TTBK1: variants seen among roughly 807,000 people sequenced by gnomAD.
TTBK1 encodes the protein tau-tubulin kinase 1.
TTBK1 carries 34 observed loss-of-function variants against 108.5 expected under a neutral mutation model. The observed-to-expected ratio is 0.31, with a 90% CI of 0.24 to 0.42. TTBK1 has a LOEUF of 0.42. Among genes scored for constraint, TTBK1 ranks in the 10% least tolerant of loss-of-function variants. The probability of loss-of-function intolerance (pLI) is 1.00; values close to 1 mark genes in which losing one functional copy is unlikely to be tolerated. For synonymous variants in TTBK1, 809 were observed against 795.1 expected, an observed-to-expected ratio of 1.02 and a Z score of -0.29; for missense variants, 1,539 against 1,826.0, an observed-to-expected ratio of 0.84 and a Z score of 2.86.
chr6:43,284,642 C>G (rs1305634138), intron 14 of TTBK1, among the ~76,000 whole-genome samples: 1 of 152,230 alleles, frequency 6.6e-6, no homozygotes, highest in Non-Finnish European at 1.5e-5. Flanking sequence ...AAGCCCAGTG[C>G]TTTGACTCCT....
chr6:43,263,179 G>C lies in TTBK1; in HGVS notation c.1815G>C (p.Glu605Asp), dbSNP rs868347385. 1 of 1,579,584 alleles carries C rather than the reference G, an allele frequency of 6.3e-7. No individual in the cohort carries two copies. The highest frequency in any genetic ancestry group is 8.6e-7 in the Non-Finnish European group (1 of 1,162,474). The change falls in exon 13 of 15, where the codon GAG (glutamate) becomes GAC (aspartate). Residue 605 changes from glutamate (E) to aspartate (D), a missense_variant. Around this residue, in one of 5 missense-constraint regions of TTBK1, gnomAD observed 1,055 missense variants for 1,086.5 expected, o/e 0.97. Coordinates refer to ENST00000259750, the MANE Select transcript of TTBK1 (RefSeq NM_032538.3). This position sits in a 1 kb window ranked among gnomAD's most constrained non-coding sequence, Gnocchi z 4.7. ...GACGCAGCATGCAGGCGCTGGCGGA[G>C]GAGGACCTGCAGCATTTGCCGCCCC... The part of the protein sequence containing the change: ...PRGRSMQALA[E>D]EDLQHLPPQP...
Position 43,259,396 on chromosome 6 carries a change from G to C in TTBK1, c.1248+127G>C. Reference sequence around the variant, plus strand: ...CCATCTGCCTGCTTGCCCTGCCTCTGTTTCCCGGTCCCTCCCCGCACTAGC... The same window carrying C: ...CCATCTGCCTGCTTGCCCTGCCTCTCTTTCCCGGTCCCTCCCCGCACTAGC... On this transcript the variant is annotated intron_variant, in intron 11 of 14. Transcript: ENST00000259750. The surrounding 1 kb of genome is among the most constrained non-coding windows in gnomAD (Gnocchi z 6.7). 7.8e-7 allele frequency: 1 copy of C among 1,289,432 alleles called. No homozygotes were observed. Among genetic ancestry groups the C allele is most frequent in the Non-Finnish European group, 1.1e-6 (1 of 946,576 alleles). The allele number at this position is 1,289,432 out of a possible 1,614,324, so 79.9% of individuals were successfully genotyped here.
rs920214863 is a variant in TTBK1 at position 43,270,107 on chromosome 6, C to T, written c.1986+6757C>T. 5.0e-6 allele frequency: 7 copies of T among 1,386,764 alleles called. No individual in the cohort carries two copies. The African/African-American group carries it at 6.0e-5, about 12-fold the overall frequency. 85.9% of individuals were successfully genotyped at this position (1,386,764 alleles called of 1,614,324 possible). On this transcript the variant is annotated intron_variant, in intron 13 of 14. Coordinates refer to ENST00000259750, the MANE Select transcript of TTBK1 (RefSeq NM_032538.3). ...CCCCCTAGAACGTTGGCCCAAGGTA[C>T]TGTAATACTCCCACCCCAAGCAGAG...
rs1429501469 is a variant in TTBK1, at chr6:43,283,905, T to C, written c.3165T>C (p.Arg1055=). The C allele has an allele frequency of 3.1e-6, 5 of 1,612,400 alleles. No individual in the cohort carries two copies. The highest frequency in any genetic ancestry group is 4.2e-6 in the Non-Finnish European group (5 of 1,179,004). ...HAMPGSRPRS[R]IPVLLSEEDT... Reference sequence around the variant, plus strand: ...TGCCAGGCTCTCGCCCCAGGAGCCGTATCCCTGTCCTGCTCTCTGAGGAGG... The same window carrying C: ...TGCCAGGCTCTCGCCCCAGGAGCCGCATCCCTGTCCTGCTCTCTGAGGAGG... Residue 1055 remains arginine, a synonymous_variant, in exon 14 of 15, where the codon CGT becomes CGC. Transcript: ENST00000259750. The surrounding 1 kb of genome is among the most constrained non-coding windows in gnomAD (Gnocchi z 8.1).
At chr6:43,261,285 G>A (rs1777534180) in intron 12 of TTBK1, among the ~76,000 whole-genome samples, 1 of 152,144 alleles carries the variant, frequency 6.6e-6, no homozygotes, top group Non-Finnish European at 1.5e-5. Context: ...GGGGGAGAAT[G>A]AAAGTCAGCC....
chr6:43,256,595 C>T (rs1443257102), intron 9 of TTBK1, among the ~76,000 whole-genome samples: 10 of 151,976 alleles, frequency 6.6e-5, no homozygotes, highest in Admixed American at 1.3e-4. Flanking sequence ...AAAAATTAGC[C>T]GGGTGTGGTG....
Position 43,263,456 on chromosome 6 carries a change from C to A in TTBK1, c.1986+106C>A. Reference sequence around the variant, plus strand: ...CTGGCACTACTGACCAGTAAGCCAGCAGTCACAGGGCTGTGATGGAGGTAG... The same window carrying A: ...CTGGCACTACTGACCAGTAAGCCAGAAGTCACAGGGCTGTGATGGAGGTAG... On this transcript the variant is annotated intron_variant, in intron 13 of 14. Transcript: ENST00000259750. The surrounding 1 kb of genome is among the most constrained non-coding windows in gnomAD (Gnocchi z 4.7). 2 of 1,109,882 alleles carry A rather than the reference C, an allele frequency of 1.8e-6. No individual in the cohort carries two copies. Among genetic ancestry groups the A allele is most frequent in the Non-Finnish European group, 2.4e-6 (2 of 820,898 alleles). The allele number at this position is 1,109,882 out of a possible 1,614,324, so 68.8% of individuals were successfully genotyped here. A position where few individuals can be genotyped will look rare whatever the true frequency, so the allele number is the denominator to read the frequency against.
chr6:43,258,899 G>A (rs528961555), intron 10 of TTBK1, 139 bp from the exon 11 acceptor site: 11 of 617,052 alleles, frequency 1.8e-5, no homozygotes, highest in Non-Finnish European at 3.1e-5. Context: ...ATGGGCCTAG[G>A]GACACTCTCA....
chr6:43,275,599 C>T (rs1246270391), intron 13 of TTBK1, among the ~76,000 whole-genome samples: 2 of 152,056 alleles, frequency 1.3e-5, no homozygotes, highest in Non-Finnish European at 2.9e-5. Context: ...TGCCCCCCAC[C>T]CCGCCCCAAT....
chr6:43,255,246 G>A, intron 7 of TTBK1, 132 bp downstream of exon 7: 1 of 849,708 alleles, frequency 1.2e-6, no homozygotes, highest in Non-Finnish European at 1.9e-6. Flanking sequence ...GAGACCCTGG[G>A]CTGGAGGAAG....
At chr6:43,258,961 G>A (rs1242629014) in intron 10 of TTBK1, 77 bp from the exon 11 acceptor site, 3 of 1,141,210 alleles carry the variant, frequency 2.6e-6, no homozygotes, top group Non-Finnish European at 2.5e-6. Flanking sequence ...CTCCAGGTCT[G>A]TGCTGGTAGG....
At position 43,284,377 on chromosome 6, in the gene TTBK1, T is replaced by G. The variant is rs978149105; in HGVS notation, c.3572+65T>G. The stretch of plus-strand genomic sequence containing the variant: ...GCCACAGGCCTCCACCAGGAGGGGC[T>G]TCTCCAGAACCAAGGTCAGGGGCTA... On this transcript the variant is annotated intron_variant, in intron 14 of 14. Coordinates refer to ENST00000259750, the MANE Select transcript of TTBK1 (RefSeq NM_032538.3). 2.0e-6 allele frequency: 3 copies of G among 1,486,404 alleles called. No individual in the cohort carries two copies. The South Asian group carries it at 4.1e-5, about 20-fold the overall frequency. The allele number at this position is 1,486,404 out of a possible 1,614,324, so 92.1% of individuals were successfully genotyped here.
At chr6:43,248,232 T>C (rs1219902845) in intron 2 of TTBK1, 13 of 152,178 alleles carry the variant, frequency 8.5e-5, no homozygotes, top group Non-Finnish European at 2.9e-5. Context: ...AGGGCAAGCA[T>C]GGCAACCTCT....
At chr6:43,266,567 T>G (rs1582499385) in intron 13 of TTBK1, among the ~76,000 whole-genome samples, 1 of 152,102 alleles carries the variant, frequency 6.6e-6, no homozygotes, top group East Asian at 1.9e-4. Flanking sequence ...CCCAGGCAAC[T>G]CGTTCCGAGA....
rs1032700922 is a variant in TTBK1 at position 43,282,060 on chromosome 6, G to A, written c.1987-667G>A. Reference sequence around the variant, plus strand: ...GCTCAAGTATACCTGTCGAGGGCTGGACAAATTCCTGGCTGAGAGGATGGA... The same window carrying A: ...GCTCAAGTATACCTGTCGAGGGCTGAACAAATTCCTGGCTGAGAGGATGGA... On this transcript the variant is annotated intron_variant, in intron 13 of 14. Coordinates refer to ENST00000259750, the MANE Select transcript of TTBK1 (RefSeq NM_032538.3). This position sits in a 1 kb window ranked among gnomAD's most constrained non-coding sequence, Gnocchi z 5.4. Among the ~76,000 whole-genome samples the A allele has an allele frequency of 6.6e-5, 10 of 152,236 alleles. No homozygotes were observed. Among genetic ancestry groups the A allele is most frequent in the Admixed American group, 1.3e-4 (2 of 15,294 alleles).
intron 13 of TTBK1, among the ~76,000 whole-genome samples, chr6:43,272,998 T>C (rs1418177642): frequency 6.6e-6 from 1 of 152,208 alleles, no homozygotes; most frequent in Admixed American, 6.5e-5. Flanking sequence ...CTTACAATTA[T>C]TTGTGATTTT....
intron 13 of TTBK1, among the ~76,000 whole-genome samples, chr6:43,275,083 ACACT>A (rs913642631): frequency 6.6e-6 from 1 of 151,814 alleles, no homozygotes; most frequent in African/African-American, 2.4e-5. Flanking sequence ...CCACACTCAC[ACACT>A]CTCCCTCCGT....
chr6:43,255,629 G>A lies in TTBK1; in HGVS notation c.720G>A (p.Arg240=). The change falls in exon 8 of 15, where the codon AGG becomes AGA. Residue 240 remains arginine, a synonymous_variant. Transcript: ENST00000259750. ...TTGCAGTGGGCCAGCTGCCCTGGAGGAAGATCAAGGACAAGGTGAGCCCCA... is the reference window on the plus strand; with the variant it reads ...TTGCAGTGGGCCAGCTGCCCTGGAGAAAGATCAAGGACAAGGTGAGCCCCA... The part of the protein sequence containing the change: ...VEFAVGQLPW[R]KIKDKEQVGM... The A allele has an allele frequency of 6.2e-7, 1 of 1,614,120 alleles. No homozygotes were observed. The highest frequency in any genetic ancestry group is 1.1e-5 in the South Asian group (1 of 91,078).
intron 2 of TTBK1, among the ~76,000 whole-genome samples, chr6:43,252,182 CTGTGTGTGTG>C (rs58985204): frequency 0.29 from 40,257 of 139,980 alleles, 5,475 homozygotes; most frequent in East Asian, 0.34. Context: ...ACATCTGGCT[CTGTGTGTGTG>C]TGTGTGTGTG....
Sources: gnomAD v4.1 joint callset for allele counts (sites outside exome capture counted in the v4.1 genomes callset) on GRCh38, gnomAD v4.1.1 for gene constraint, gnomAD v4.1.1 regional missense constraint, Gnocchi (gnomAD v3.1) non-coding constraint, MANE v1.5 for transcripts, NCBI Gene and HGNC (gene_info 2026-07-23, HGNC 2026-07-21) for gene names.